The following LRP1B variants were observed in gnomAD, a reference collection of about 807,000 sequenced individuals.
LRP1B encodes the protein LDL receptor related protein 1B, also known as low-density lipoprotein receptor-related protein 1B.
In LRP1B, 217 loss-of-function variants were observed where a neutral mutation model predicts 556.6. The observed-to-expected ratio is 0.39, with a 90% confidence interval of 0.35 to 0.44. The LOEUF (loss-of-function observed/expected upper bound fraction) is 0.44. Among genes scored for constraint, LRP1B ranks in the 20% least tolerant of loss-of-function variants. LRP1B has a pLI of 1.00. For missense variants in LRP1B, 5,053 were observed against 5,620.8 expected, an observed-to-expected ratio of 0.90 and a Z score of 3.23; for synonymous variants, 2,047 against 1,865.8, an observed-to-expected ratio of 1.10 and a Z score of -2.50.
At chr2:140,737,463 C>T (rs1687984365) in intron 35 of LRP1B, among the ~76,000 whole-genome samples, 1 of 152,168 alleles carries the variant, frequency 6.6e-6, no homozygotes, top group African/African-American at 2.4e-5. Context: ...CATTCTGGCT[C>T]TTTGTGGGCT....
rs1414177208 is a variant in LRP1B, at chr2:141,952,006, C to G, written c.83-141605G>C. ...TATCCCTCCCCCCTCCCCTCTCCCC[C>G]CACCCCACGACAGGCCCCGGTGTGT... On this transcript the variant is annotated intron_variant, in intron 1 of 90. Coordinates refer to ENST00000389484, the MANE Select transcript of LRP1B (RefSeq NM_018557.3). 4.1e-5 allele frequency among the ~76,000 whole-genome samples: 5 copies of G among 123,430 alleles called. No individual in the cohort carries two copies. In the Admixed American group the frequency reaches 4.5e-4, roughly 11 times the overall value. 81.0% of individuals were successfully genotyped at this position (123,430 alleles called of 152,430 possible).
intron 18 of LRP1B, among the ~76,000 whole-genome samples, chr2:140,959,114 G>T (rs531489886): frequency 6.6e-6 from 1 of 151,274 alleles, no homozygotes; most frequent in Non-Finnish European, 1.5e-5. Context: ...TGGTGGAATG[G>T]TTTAAGGGGA....
intron 11 of LRP1B, among the ~76,000 whole-genome samples, chr2:141,046,467 A>G (rs963861461): frequency 6.6e-6 from 1 of 152,190 alleles, no homozygotes; most frequent in Non-Finnish European, 1.5e-5. Context: ...ATGGAAAGAA[A>G]AAAGATAAAC....
chr2:141,712,955 G>A lies in LRP1B; in HGVS notation c.205+97324C>T, dbSNP rs1004696061. Among the ~76,000 whole-genome samples the A allele has an allele frequency of 2.0e-5, 3 of 151,164 alleles. No homozygotes were observed. The South Asian group carries it at 6.3e-4, about 32-fold the overall frequency. On this transcript the variant is annotated intron_variant, in intron 2 of 90. Coordinates refer to ENST00000389484, the MANE Select transcript of LRP1B (RefSeq NM_018557.3). ...AGCCTCCCAAAGATCTGGGATTACA[G>A]GTGTGAGCCACGACGTCCAGCCAAT...
In LRP1B at chr2:140,867,640, C is replaced by G. The variant is rs1692991228; in HGVS notation, c.4529G>C (p.Ser1510Thr). ...TATCTGAAGGTCAAATGGCTGTGCA[C>G]TGGTTTTCTGAATCACACTGACATT... ...GQNVSVIQKT[S>T]AQPFDLQIYH... Residue 1510 changes from serine to threonine, a missense_variant, in exon 27 of 91, where the codon AGT becomes ACT. Coordinates refer to ENST00000389484, the MANE Select transcript of LRP1B (RefSeq NM_018557.3). 1.2e-6 allele frequency: 2 copies of G among 1,613,308 alleles called. No individual in the cohort carries two copies. The highest frequency in any genetic ancestry group is 1.1e-5 in the South Asian group (1 of 91,062).
At chr2:141,481,904 G>T (rs1682932531) in intron 2 of LRP1B, among the ~76,000 whole-genome samples, 1 of 152,112 alleles carries the variant, frequency 6.6e-6, no homozygotes, top group African/African-American at 2.4e-5. Flanking sequence ...AGTAAAAAAT[G>T]TTCTCAGAAG....
intron 16 of LRP1B, among the ~76,000 whole-genome samples, chr2:140,990,838 C>T (rs1402836786): frequency 6.6e-6 from 1 of 151,976 alleles, no homozygotes; most frequent in East Asian, 1.9e-4. Context: ...TCTTTATGCC[C>T]AGTAGTTACA....
intron 7 of LRP1B, among the ~76,000 whole-genome samples, chr2:141,122,385 T>G (rs1466044270): frequency 1.8e-4 from 24 of 130,594 alleles, no homozygotes; most frequent in South Asian, 7.7e-4. Context: ...AATCTACAAA[T>G]AACTCAAACA....
At chr2:140,630,244 T>G (rs1683830589) in intron 41 of LRP1B, among the ~76,000 whole-genome samples, 1 of 152,168 alleles carries the variant, frequency 6.6e-6, no homozygotes, top group African/African-American at 2.4e-5. Context: ...TGGTGCATGA[T>G]AAATGTTGTG....
intron 77 of LRP1B, among the ~76,000 whole-genome samples, chr2:140,339,706 C>G (rs1681274400): frequency 6.6e-6 from 1 of 151,570 alleles, no homozygotes; most frequent in Admixed American, 6.6e-5. Flanking sequence ...CTAAATATTA[C>G]TAAATTCTAT....
chr2:141,948,517 T>A (rs1470934679), intron 1 of LRP1B, among the ~76,000 whole-genome samples: 1 of 151,978 alleles, frequency 6.6e-6, no homozygotes, highest in Non-Finnish European at 1.5e-5. Context: ...GCATACCTTT[T>A]CTTCACACTT....
chr2:140,538,894 C>A (rs796596652), intron 45 of LRP1B, among the ~76,000 whole-genome samples: 14 of 150,196 alleles, frequency 9.3e-5, no homozygotes, highest in African/African-American at 3.4e-4. Flanking sequence ...AAGACAAAAA[C>A]TATTCAAAGA....
chr2:141,694,307 G>T (rs976094673), intron 2 of LRP1B, among the ~76,000 whole-genome samples: 1 of 152,036 alleles, frequency 6.6e-6, no homozygotes, highest in African/African-American at 2.4e-5. Flanking sequence ...AAAGTGAAAA[G>T]GGAGGGAGGG....
At chr2:141,052,210 C>G (rs1395780879) in intron 10 of LRP1B, among the ~76,000 whole-genome samples, 1 of 152,088 alleles carries the variant, frequency 6.6e-6, no homozygotes, top group South Asian at 2.1e-4. Context: ...CTCTCAGTGT[C>G]TACCTGATGT....
At chr2:142,108,151 TATATATA>T (rs932365329) in intron 1 of LRP1B, among the ~76,000 whole-genome samples, 29 of 151,502 alleles carry the variant, frequency 1.9e-4, no homozygotes, top group Non-Finnish European at 3.7e-4. Flanking sequence ...CTTTAAAAAT[TATATATA>T]ATATATGAGA....
chr2:140,829,751 G>A (rs1691650571), intron 31 of LRP1B, among the ~76,000 whole-genome samples: 1 of 151,454 alleles, frequency 6.6e-6, no homozygotes, highest in East Asian at 1.9e-4. Flanking sequence ...AAAAGTAGTA[G>A]AAGAAAAATA....
At chr2:141,816,841 C>T (rs1696571177) in intron 1 of LRP1B, among the ~76,000 whole-genome samples, 1 of 151,820 alleles carries the variant, frequency 6.6e-6, no homozygotes, top group South Asian at 2.1e-4. Context: ...ACCTAACGAG[C>T]CTATGTTATC....
chr2:141,404,833 CA>C (rs1025266017), intron 3 of LRP1B, among the ~76,000 whole-genome samples: 5 of 151,438 alleles, frequency 3.3e-5, no homozygotes, highest in African/African-American at 1.2e-4. Context: ...GAAATGGAAG[CA>C]CCTATTTCTA....
At chr2:141,921,220 G>A (rs766243595) in intron 1 of LRP1B, among the ~76,000 whole-genome samples, 1 of 151,932 alleles carries the variant, frequency 6.6e-6, no homozygotes, top group African/African-American at 2.4e-5. Flanking sequence ...TTAACGGCAT[G>A]CTTTATGTAC....
Sources: gnomAD v4.1 joint callset for allele counts (sites outside exome capture counted in the v4.1 genomes callset) on GRCh38, gnomAD v4.1.1 for gene constraint, MANE v1.5 for transcripts, NCBI Gene and HGNC (gene_info 2026-07-23, HGNC 2026-07-21) for gene names.